The following PTPRN2 variants were observed in gnomAD, a reference collection of about 807,000 sequenced individuals.
The protein encoded by PTPRN2 is protein tyrosine phosphatase receptor type N2.
PTPRN2 carries 74 observed loss-of-function variants against 118.8 expected under a neutral mutation model. That is an observed-to-expected ratio of 0.62 (90% CI 0.52 to 0.76). The LOEUF (loss-of-function observed/expected upper bound fraction) is 0.76, where lower values mean the gene tolerates loss of function less well. Ranked by LOEUF, PTPRN2 falls within the 30% of genes least tolerant of loss-of-function variation. The probability of loss-of-function intolerance (pLI) is 0.00; values close to 1 mark genes in which losing one functional copy is unlikely to be tolerated. For missense variants in PTPRN2, 1,481 were observed against 1,394.4 expected (o/e 1.06, Z -0.99); for synonymous variants, 641 against 608.0 (o/e 1.05, Z -0.80).
rs912331589 is a variant in PTPRN2 at position 157,622,693 on chromosome 7, C to G, written c.2197-1184G>C. Among the ~76,000 whole-genome samples, 5 of 152,202 alleles carry G rather than the reference C, an allele frequency of 3.3e-5. No individual in the cohort carries two copies. Among genetic ancestry groups the G allele is most frequent in the Non-Finnish European group, 5.9e-5 (4 of 68,036 alleles). The stretch of plus-strand genomic sequence containing the variant: ...GGGCACCTGTGCTGTTTGCGCGACA[C>G]CCCCGCATCTGGGTGGGTGTGGTGG... On this transcript the variant is annotated intron_variant, in intron 14 of 22. Coordinates refer to ENST00000389418, the MANE Select transcript of PTPRN2 (RefSeq NM_002847.5). This position sits in a 1 kb window ranked among gnomAD's most constrained non-coding sequence, Gnocchi z 5.3.
At chr7:158,554,866 C>G (rs1298693988) in intron 1 of PTPRN2, among the ~76,000 whole-genome samples, 1 of 152,184 alleles carries the variant, frequency 6.6e-6, no homozygotes, top group Admixed American at 6.5e-5. Flanking sequence ...GCAGCCCCCT[C>G]TATATGATGG....
chr7:158,153,945 G>A (rs1585660588), intron 6 of PTPRN2, among the ~76,000 whole-genome samples: 2 of 152,106 alleles, frequency 1.3e-5, no homozygotes, highest in Non-Finnish European at 2.9e-5. Context: ...ACTGGACATG[G>A]GGGGACAGAA....
In PTPRN2 at chr7:157,659,457, G is replaced by A. The variant is rs1006163920; in HGVS notation, c.2002-2906C>T. 7.8e-4 allele frequency among the ~76,000 whole-genome samples: 92 copies of A among 117,682 alleles called. 1 individual carries two copies. Among genetic ancestry groups the A allele is most frequent in the East Asian group, 6.0e-3 (19 of 3,142 alleles). 77.2% of individuals were successfully genotyped at this position (117,682 alleles called of 152,430 possible). A position where few individuals can be genotyped will look rare whatever the true frequency, so the allele number is the denominator to read the frequency against. The stretch of plus-strand genomic sequence containing the variant: ...GCCGCAGGGACAGGGGTGGGAGGAT[G>A]GTCACAGGGATGGGGGGGGCGGGGG... On this transcript the variant is annotated intron_variant, in intron 13 of 22. Coordinates refer to ENST00000389418, the MANE Select transcript of PTPRN2 (RefSeq NM_002847.5).
chr7:157,904,515 C>T (rs774269841), intron 11 of PTPRN2, among the ~76,000 whole-genome samples: 2 of 152,240 alleles, frequency 1.3e-5, no homozygotes, highest in Non-Finnish European at 2.9e-5. Flanking sequence ...GAGCAGGTGC[C>T]GGGGAGTCTC....
In PTPRN2 at chr7:158,133,678, C is replaced by G. The variant is rs368669520; in HGVS notation, c.1555G>C (p.Asp519His). 2.5e-6 allele frequency: 4 copies of G among 1,572,812 alleles called. No homozygotes were observed. Among genetic ancestry groups the G allele is most frequent in the Non-Finnish European group, 2.6e-6 (3 of 1,159,808 alleles). The stretch of plus-strand genomic sequence containing the variant: ...AGCTTAGCCAGGGCTGCTACTCACT[C>G]TCTGTCTGTCACGATGTAGCCCCGC... Reference protein sequence around the residue: ...EARGYIVTDRDPLRPEEGRRL... With the variant: ...EARGYIVTDRHPLRPEEGRRL... Residue 519 changes from aspartate (D) to histidine (H), a missense_variant and splice_region_variant, in exon 9 of 23, where the codon GAC becomes CAC. Transcript: ENST00000389418.
intron 11 of PTPRN2, chr7:158,030,033 A>G (rs1478904970): frequency 6.6e-6 from 1 of 152,250 alleles, no homozygotes; most frequent in Non-Finnish European, 1.5e-5. Flanking sequence ...AGGTAATAAT[A>G]ACAATGATAA....
At chr7:158,248,044 C>T (rs1001885525) in intron 3 of PTPRN2, among the ~76,000 whole-genome samples, 6 of 152,106 alleles carry the variant, frequency 3.9e-5, no homozygotes, top group Admixed American at 1.3e-4. Context: ...CACAGCACAT[C>T]GTTTCTGAGG....
intron 11 of PTPRN2, among the ~76,000 whole-genome samples, chr7:158,066,915 A>G (rs1272835211): frequency 1.3e-5 from 2 of 152,180 alleles, no homozygotes; most frequent in African/African-American, 4.8e-5. Context: ...GGAAATAAAG[A>G]CGAAATCTTA....
At chr7:158,031,694 G>A (rs1807694721) in intron 11 of PTPRN2, among the ~76,000 whole-genome samples, 1 of 152,158 alleles carries the variant, frequency 6.6e-6, no homozygotes, top group South Asian at 2.1e-4. Flanking sequence ...AGAAGGCATC[G>A]TAATCTTCAG....
At chr7:158,244,499 G>A (rs1796072851) in intron 3 of PTPRN2, among the ~76,000 whole-genome samples, 1 of 152,084 alleles carries the variant, frequency 6.6e-6, no homozygotes, top group South Asian at 2.1e-4. Flanking sequence ...GAGTGTTTAT[G>A]AGTTTTTGTG....
chr7:157,777,543 G>A (rs1803408311), intron 12 of PTPRN2, among the ~76,000 whole-genome samples: 1 of 148,634 alleles, frequency 6.7e-6, no homozygotes, highest in African/African-American at 2.6e-5. Flanking sequence ...GATGCAGCAA[G>A]GCTCTGGCAG....
intron 2 of PTPRN2, among the ~76,000 whole-genome samples, chr7:158,371,716 G>C (rs1247841330): frequency 2.0e-5 from 3 of 152,166 alleles, no homozygotes; most frequent in African/African-American, 7.2e-5. Flanking sequence ...TTCATATGCG[G>C]AAAACCGTTC....
At chr7:158,291,009 A>C (rs1470934741) in intron 3 of PTPRN2, among the ~76,000 whole-genome samples, 1 of 152,210 alleles carries the variant, frequency 6.6e-6, no homozygotes, top group South Asian at 2.1e-4. Flanking sequence ...ATGCTCTTTG[A>C]CAGAGGAGGA....
At position 158,445,070 on chromosome 7, in the gene PTPRN2, G is replaced by T. The variant is rs542237966; in HGVS notation, c.163+44665C>A. 2.0e-5 allele frequency among the ~76,000 whole-genome samples: 3 copies of T among 152,176 alleles called. No homozygotes were observed. The East Asian group carries it at 5.8e-4, about 29-fold the overall frequency. On this transcript the variant is annotated intron_variant, in intron 2 of 22. Transcript: ENST00000389418. ...GCCTGAGCTGGGCTTAACCAGGAGG[G>T]CTGGGGAGAGCTGGATGCCCTTCAC...
In PTPRN2 at chr7:157,787,742, G is replaced by A. The variant is rs937102716; in HGVS notation, c.1789-104805C>T. On this transcript the variant is annotated intron_variant, in intron 12 of 22. Coordinates refer to ENST00000389418, the MANE Select transcript of PTPRN2 (RefSeq NM_002847.5). This position sits in a 1 kb window ranked among gnomAD's most constrained non-coding sequence, Gnocchi z 5.3. ...GGGTCCCCTGGGGTGGTGGCTGGGTGAGCCCAGCCCCATCTTTCCCTCGGA... is the reference window on the plus strand; with the variant it reads ...GGGTCCCCTGGGGTGGTGGCTGGGTAAGCCCAGCCCCATCTTTCCCTCGGA... 6.6e-6 allele frequency among the ~76,000 whole-genome samples: 1 copy of A among 152,174 alleles called. No homozygotes were observed. The highest frequency in any genetic ancestry group is 2.4e-5 in the African/African-American group (1 of 41,444).
chr7:157,770,696 G>A (rs1055196982), intron 12 of PTPRN2, among the ~76,000 whole-genome samples: 73 of 152,272 alleles, frequency 4.8e-4, no homozygotes, highest in African/African-American at 1.6e-3. Flanking sequence ...CCTCCAGCTC[G>A]GGTAGACGGA....
chr7:158,165,379 G>C (rs575942696), intron 6 of PTPRN2, among the ~76,000 whole-genome samples: 1 of 152,358 alleles, frequency 6.6e-6, no homozygotes, highest in South Asian at 2.1e-4. Flanking sequence ...CACCATCAAT[G>C]CTCCAGCAGC....
At chr7:158,566,309 G>A (rs535668920) in intron 1 of PTPRN2, among the ~76,000 whole-genome samples, 1 of 151,566 alleles carries the variant, frequency 6.6e-6, no homozygotes, top group South Asian at 2.1e-4. Context: ...AGCCAAGATC[G>A]CACCATTGCA....
chr7:157,810,102 G>A (rs564385168), intron 12 of PTPRN2, among the ~76,000 whole-genome samples: 4 of 152,378 alleles, frequency 2.6e-5, no homozygotes, highest in South Asian at 4.1e-4. Flanking sequence ...GGGTGGAGGC[G>A]AACCTGGCCC....
Sources: gnomAD v4.1 joint callset for allele counts (sites outside exome capture counted in the v4.1 genomes callset) on GRCh38, gnomAD v4.1.1 for gene constraint, Gnocchi (gnomAD v3.1) non-coding constraint, MANE v1.5 for transcripts, NCBI Gene and HGNC (gene_info 2026-07-23, HGNC 2026-07-21) for gene names.